The following PARP8 variants were observed in gnomAD, a reference collection of about 807,000 sequenced individuals.
PARP8 encodes the protein protein mono-ADP-ribosyltransferase PARP8.
Under a neutral mutation model 124.1 loss-of-function variants are expected in PARP8, and 51 were observed. The observed-to-expected ratio is 0.41, with a 90% CI of 0.33 to 0.52. The LOEUF (loss-of-function observed/expected upper bound fraction) is 0.52. Ranked by LOEUF, PARP8 falls within the 20% of genes least tolerant of loss-of-function variation. The probability of loss-of-function intolerance (pLI) is 0.21; values close to 1 mark genes in which losing one functional copy is unlikely to be tolerated. For synonymous variants in PARP8, 391 were observed against 361.5 expected, an observed-to-expected ratio of 1.08 and a Z score of -0.93; for missense variants, 860 against 1,018.9, an observed-to-expected ratio of 0.84 and a Z score of 2.12.
chr5:50,826,926 A>G, intron 19 of PARP8, 123 bp downstream of exon 19: 1 of 1,359,726 alleles, frequency 7.4e-7, no homozygotes. Flanking sequence ...CCCAGGTTAA[A>G]TATAATTCTT....
intron 2 of PARP8, among the ~76,000 whole-genome samples, chr5:50,720,575 T>C (rs774462574): frequency 1.2e-4 from 19 of 152,188 alleles, no homozygotes; most frequent in Admixed American, 4.6e-4. Context: ...GCAGAATACT[T>C]TTGTTTGTAC....
intron 2 of PARP8, among the ~76,000 whole-genome samples, chr5:50,723,103 C>T (rs1218454975): frequency 6.6e-6 from 1 of 152,050 alleles, no homozygotes; most frequent in Non-Finnish European, 1.5e-5. Context: ...AATAGCTTTT[C>T]CTTTACATGC....
chr5:50,740,817 GA>G (rs70972942), intron 2 of PARP8, among the ~76,000 whole-genome samples: 42,456 of 122,942 alleles, frequency 0.35, 6,038 homozygotes, highest in African/African-American at 0.41. Context: ...TTTCTCAAAA[GA>G]AAAAAAAAAA....
At chr5:50,700,894 G>A (rs1580005570) in intron 2 of PARP8, among the ~76,000 whole-genome samples, 2 of 151,978 alleles carry the variant, frequency 1.3e-5, no homozygotes, top group African/African-American at 4.8e-5. Flanking sequence ...CGTCATACTT[G>A]AAGTAGTTAA....
intron 15 of PARP8, among the ~76,000 whole-genome samples, chr5:50,818,175 A>AGGC (rs1476100747): frequency 9.2e-6 from 1 of 109,072 alleles, no homozygotes; most frequent in Non-Finnish European, 1.9e-5. Flanking sequence ...TATATCATTT[A>AGGC]GCCCCCCCCC....
intron 14 of PARP8, among the ~76,000 whole-genome samples, chr5:50,800,919 G>C (rs1165823509): frequency 6.6e-6 from 1 of 151,606 alleles, no homozygotes; most frequent in African/African-American, 2.4e-5. Flanking sequence ...ACCATGCCCA[G>C]CTAATTTTTA....
intron 2 of PARP8, among the ~76,000 whole-genome samples, chr5:50,723,379 G>A (rs1159249848): frequency 1.3e-5 from 2 of 151,986 alleles, no homozygotes; most frequent in Non-Finnish European, 2.9e-5. Context: ...AAATTAAACA[G>A]TTGCCTTCTC....
chr5:50,801,552 G>A (rs1440704177), intron 14 of PARP8, among the ~76,000 whole-genome samples: 2 of 152,100 alleles, frequency 1.3e-5, no homozygotes, highest in East Asian at 1.9e-4. Context: ...GATACTCTTT[G>A]TTTCATTCCT....
intron 2 of PARP8, among the ~76,000 whole-genome samples, chr5:50,675,260 A>G (rs1750480850): frequency 6.6e-6 from 1 of 152,178 alleles, no homozygotes; most frequent in Non-Finnish European, 1.5e-5. Flanking sequence ...TTTGTCAACT[A>G]ACTCTGAAGT....
intron 2 of PARP8, among the ~76,000 whole-genome samples, chr5:50,742,152 A>G (rs1758116658): frequency 6.6e-6 from 1 of 152,214 alleles, no homozygotes; most frequent in African/African-American, 2.4e-5. Flanking sequence ...TCTTGTCTTC[A>G]TGTTGAGTGG....
chr5:50,819,125 T>C lies in PARP8; in HGVS notation c.1669-2088T>C, dbSNP rs561418450. ...AGGTATTAGCGCTGTGTCCTGGAAGTGAGCAAGGAGTTGGAAACTTTGGTG... is the reference window on the plus strand; with the variant it reads ...AGGTATTAGCGCTGTGTCCTGGAAGCGAGCAAGGAGTTGGAAACTTTGGTG... On this transcript the variant is annotated intron_variant, in intron 15 of 25. Transcript: ENST00000281631. 1.9e-3 allele frequency among the ~76,000 whole-genome samples: 291 copies of C among 152,256 alleles called. 1 individual carries two copies. The highest frequency in any genetic ancestry group is 6.9e-3 in the African/African-American group (285 of 41,544).
intron 3 of PARP8, among the ~76,000 whole-genome samples, chr5:50,752,492 C>CT (rs1759368651): frequency 6.6e-6 from 1 of 152,114 alleles, no homozygotes; most frequent in South Asian, 2.1e-4. Flanking sequence ...AATGTCCAAA[C>CT]TTTTTAGCAA....
At chr5:50,841,807 C>T (rs1470680348) in intron 25 of PARP8, among the ~76,000 whole-genome samples, 159 bp from the exon 26 acceptor site, 2 of 151,298 alleles carry the variant, frequency 1.3e-5, no homozygotes, top group South Asian at 2.1e-4. Context: ...TTCTGTGTTT[C>T]GCAATGAGAA....
intron 17 of PARP8, among the ~76,000 whole-genome samples, chr5:50,823,829 G>A (rs999551140): frequency 6.6e-6 from 1 of 152,204 alleles, no homozygotes; most frequent in Non-Finnish European, 1.5e-5. Flanking sequence ...AAGTTAAGAA[G>A]CCAAAATTGT....
At chr5:50,722,520 T>A (rs1755999672) in intron 2 of PARP8, among the ~76,000 whole-genome samples, 1 of 152,044 alleles carries the variant, frequency 6.6e-6, no homozygotes, top group African/African-American at 2.4e-5. Flanking sequence ...TATAATATGA[T>A]GTGTACAAGA....
chr5:50,809,726 A>C (rs187156137), intron 14 of PARP8, among the ~76,000 whole-genome samples: 1 of 151,984 alleles, frequency 6.6e-6, no homozygotes, highest in Non-Finnish European at 1.5e-5. Context: ...TGTATATTGG[A>C]CTTATGTGAA....
In PARP8 at chr5:50,692,009, A is replaced by AACC. The variant is rs759897205; in HGVS notation, c.146+23894_146+23896dup. On this transcript the variant is annotated intron_variant, in intron 2 of 25. Transcript: ENST00000281631. ...TTCCAACTTCCTCTACCTTAATTCC[A>AACC]ACCACCACCACCGTTTCTTACTTTG... is the stretch of plus-strand genomic sequence containing the variant. Among the ~76,000 whole-genome samples, 96 of 152,234 alleles carry AACC rather than the reference A, an allele frequency of 6.3e-4. No homozygotes were observed. In the East Asian group the frequency reaches 0.011, roughly 18 times the overall value.
At chr5:50,724,390 A>G (rs1252994714) in intron 2 of PARP8, among the ~76,000 whole-genome samples, 1 of 152,104 alleles carries the variant, frequency 6.6e-6, no homozygotes, top group African/African-American at 2.4e-5. Context: ...CTTTTAAGTG[A>G]CACAGTGTAT....
chr5:50,794,736 A>T (rs1431105070), intron 11 of PARP8, 117 bp from the exon 12 acceptor site: 4 of 927,408 alleles, frequency 4.3e-6, no homozygotes, highest in Non-Finnish European at 6.5e-6. Flanking sequence ...GGTAGGCTAT[A>T]TTAAAATGAG....
Sources: gnomAD v4.1 joint callset for allele counts (sites outside exome capture counted in the v4.1 genomes callset) on GRCh38, gnomAD v4.1.1 for gene constraint, MANE v1.5 for transcripts, NCBI Gene and HGNC (gene_info 2026-07-23, HGNC 2026-07-21) for gene names.